SPATA16: variants seen among roughly 807,000 people sequenced by gnomAD.
SPATA16 encodes the protein spermatogenesis-associated protein 16.
Under a neutral mutation model 63.3 loss-of-function variants are expected in SPATA16, and 36 were observed. That is an observed-to-expected ratio of 0.57 (90% CI 0.44 to 0.75). SPATA16 has a LOEUF of 0.75. Among genes scored for constraint, SPATA16 ranks in the 30% least tolerant of loss-of-function variants. SPATA16 has a pLI of 0.00. For synonymous variants in SPATA16, 203 were observed against 216.7 expected, an observed-to-expected ratio of 0.94 and a Z score of 0.56; for missense variants, 646 against 679.3, an observed-to-expected ratio of 0.95 and a Z score of 0.54.
chr3:172,925,292 C>T, intron 7 of SPATA16, 54 bp downstream of exon 7: 1 of 1,606,938 alleles, frequency 6.2e-7, no homozygotes, highest in Non-Finnish European at 8.5e-7. Flanking sequence ...TTTTGGGGCC[C>T]AAAACTCATC....
intron 7 of SPATA16, among the ~76,000 whole-genome samples, chr3:172,924,721 A>G (rs1263884013): frequency 1.3e-5 from 2 of 152,214 alleles, no homozygotes; most frequent in African/African-American, 4.8e-5. Flanking sequence ...CAAAGTTCAG[A>G]TAAGCCTCAG....
chr3:172,909,936 T>A (rs895947447), intron 10 of SPATA16, among the ~76,000 whole-genome samples: 2 of 152,102 alleles, frequency 1.3e-5, no homozygotes, highest in Non-Finnish European at 2.9e-5. Context: ...TAGACAGATA[T>A]CATGTCAATC....
At chr3:172,989,723 A>T (rs1734534130) in intron 4 of SPATA16, among the ~76,000 whole-genome samples, 1 of 152,216 alleles carries the variant, frequency 6.6e-6, no homozygotes, top group African/African-American at 2.4e-5. Flanking sequence ...GTAGCTTCCC[A>T]GTTAGTATTC....
intron 10 of SPATA16, among the ~76,000 whole-genome samples, chr3:172,898,031 G>A (rs1355490311): frequency 6.6e-6 from 1 of 151,754 alleles, no homozygotes; most frequent in Non-Finnish European, 1.5e-5. Flanking sequence ...TTTTTCTTCT[G>A]TAATCTGTTT....
At chr3:172,898,882 G>A (rs1732065347) in intron 10 of SPATA16, among the ~76,000 whole-genome samples, 1 of 151,520 alleles carries the variant, frequency 6.6e-6, no homozygotes, top group Non-Finnish European at 1.5e-5. Context: ...TATTTTACCT[G>A]TATCCCACAA....
chr3:172,926,038 C>G (rs1732725921), intron 6 of SPATA16, among the ~76,000 whole-genome samples: 1 of 152,022 alleles, frequency 6.6e-6, no homozygotes, highest in African/African-American at 2.4e-5. Context: ...GTTGGCCAGG[C>G]TAGTCTCAAA....
At chr3:173,105,450 G>C (rs1737597388) in intron 2 of SPATA16, among the ~76,000 whole-genome samples, 1 of 152,082 alleles carries the variant, frequency 6.6e-6, no homozygotes, top group Non-Finnish European at 1.5e-5. Flanking sequence ...TCAAAACCTC[G>C]AGTCCATGAG....
chr3:173,018,789 C>A (rs6762277), intron 4 of SPATA16, among the ~76,000 whole-genome samples: 3 of 152,102 alleles, frequency 2.0e-5, no homozygotes, highest in African/African-American at 7.2e-5. Context: ...GAAGAAATAA[C>A]AGGCACCTCT....
rs561752697 is a variant in SPATA16, at chr3:173,018,763, C to T, written c.848+723G>A. On this transcript the variant is annotated intron_variant, in intron 4 of 10. Coordinates refer to ENST00000351008, the MANE Select transcript of SPATA16 (RefSeq NM_031955.6). ...ACATTTTCCTGCTAGATTCCTGGGG[C>T]GGTAAAGTGGATGAGGAAGAAATAA... Among the ~76,000 whole-genome samples the T allele has an allele frequency of 1.9e-3, 286 of 151,938 alleles. 1 individual carries two copies. Among genetic ancestry groups the T allele is most frequent in the Non-Finnish European group, 3.2e-3 (215 of 67,990 alleles).
rs11351279 is a variant in SPATA16 at position 173,094,043 on chromosome 3, C to CTTT, written c.612+23074_612+23076dup. 7.8e-3 allele frequency among the ~76,000 whole-genome samples: 1,124 copies of CTTT among 144,358 alleles called. 24 individuals carry two copies. The highest frequency in any genetic ancestry group is 0.026 in the African/African-American group (1,020 of 39,514). 94.7% of individuals were successfully genotyped at this position (144,358 alleles called of 152,430 possible). A position where few individuals can be genotyped will look rare whatever the true frequency, so the allele number is the denominator to read the frequency against. On this transcript the variant is annotated intron_variant, in intron 2 of 10. Transcript: ENST00000351008. ...TTCCTTCTCTATTCAATTCCTTTTTCTTTTTTTTTTTTGCATCCCTTTAAC... is the reference window on the plus strand; with the variant it reads ...TTCCTTCTCTATTCAATTCCTTTTTCTTTTTTTTTTTTTTTGCATCCCTTTAAC...
intron 2 of SPATA16, among the ~76,000 whole-genome samples, chr3:173,112,401 T>A (rs537866541): frequency 1.4e-4 from 21 of 152,322 alleles, no homozygotes; most frequent in African/African-American, 3.6e-4. Context: ...TGGCAAGATC[T>A]AGAATTTTGT....
At chr3:173,022,211 A>G (rs1735349195) in intron 3 of SPATA16, among the ~76,000 whole-genome samples, 1 of 152,158 alleles carries the variant, frequency 6.6e-6, no homozygotes, top group South Asian at 2.1e-4. Flanking sequence ...TGTAATTATA[A>G]TTCCTCTGTA....
chr3:172,976,696 A>T (rs1299112332), intron 5 of SPATA16, among the ~76,000 whole-genome samples: 1 of 152,272 alleles, frequency 6.6e-6, no homozygotes, highest in South Asian at 2.1e-4. Flanking sequence ...ATATTATAGT[A>T]GCACGCCTGG....
intron 4 of SPATA16, among the ~76,000 whole-genome samples, chr3:172,984,752 G>A (rs763686630): frequency 6.6e-6 from 1 of 152,060 alleles, no homozygotes; most frequent in African/African-American, 2.4e-5. Flanking sequence ...TTTTCTTGAG[G>A]TTTACTGCCT....
intron 6 of SPATA16, among the ~76,000 whole-genome samples, chr3:172,930,327 A>C (rs1209079547): frequency 6.6e-6 from 1 of 151,960 alleles, no homozygotes; most frequent in East Asian, 1.9e-4. Context: ...TGATTCTTAC[A>C]TTTTCTCTAG....
intron 2 of SPATA16, among the ~76,000 whole-genome samples, chr3:173,071,419 C>T (rs1288947224): frequency 6.6e-6 from 1 of 151,780 alleles, no homozygotes; most frequent in Non-Finnish European, 1.5e-5. Context: ...TGAGTAAGAC[C>T]TCAAAAACAC....
chr3:172,891,942 TC>T (rs1272068357), intron 10 of SPATA16, among the ~76,000 whole-genome samples: 1 of 152,218 alleles, frequency 6.6e-6, no homozygotes, highest in Non-Finnish European at 1.5e-5. Context: ...ATCTGTCTTC[TC>T]ATCTGGACTT....
chr3:172,908,316 T>C (rs1732288193), intron 10 of SPATA16, among the ~76,000 whole-genome samples: 1 of 152,156 alleles, frequency 6.6e-6, no homozygotes, highest in Non-Finnish European at 1.5e-5. Context: ...TTACCTTTTT[T>C]TAAAAAAAAA....
At chr3:172,987,251 C>T (rs2108258420) in intron 4 of SPATA16, among the ~76,000 whole-genome samples, 1 of 152,320 alleles carries the variant, frequency 6.6e-6, no homozygotes, top group East Asian at 1.9e-4. Flanking sequence ...CTGGTAATCA[C>T]AGGCCAGCAG....
Sources: gnomAD v4.1 joint callset for allele counts (sites outside exome capture counted in the v4.1 genomes callset) on GRCh38, gnomAD v4.1.1 for gene constraint, MANE v1.5 for transcripts, NCBI Gene and HGNC (gene_info 2026-07-23, HGNC 2026-07-21) for gene names.